The following CACNA1E variants were observed in gnomAD, a reference collection of about 807,000 sequenced individuals.
CACNA1E encodes the protein calcium voltage-gated channel subunit alpha1 E.
A neutral mutation model predicts 259.2 loss-of-function variants in CACNA1E; 40 were observed. The ratio of observed to expected loss-of-function variants is 0.15; its 90% confidence interval spans 0.12 to 0.20. The LOEUF is 0.20. Ranked by LOEUF, CACNA1E falls within the 10% of genes least tolerant of loss-of-function variation. The pLI is 1.00. For missense variants in CACNA1E, 1,874 were observed against 3,040.1 expected (o/e 0.62, Z 9.02); for synonymous variants, 1,104 against 1,138.5 (o/e 0.97, Z 0.61).
intron 3 of CACNA1E, among the ~76,000 whole-genome samples, chr1:181,516,713 C>A (rs758916149): frequency 6.6e-6 from 1 of 152,202 alleles, no homozygotes; most frequent in Non-Finnish European, 1.5e-5. Flanking sequence ...TTATCCCTTT[C>A]CATCTAGGAA....
rs1336813820 is a variant in CACNA1E at position 181,476,849 on chromosome 1, TTGCCTTGGCTGAGCAGCAAGG to T, written c.435-6893_435-6873del. On this transcript the variant is annotated intron_variant, in intron 2 of 11. Coordinates refer to the CACNA1E transcript ENST00000524607. ...CGCTGCTGAGTCCTCCTGCTGCACT[TTGCCTTGGCTGAGCAGCAAGG>T]TTGGGCCCTGAGGGTGGGAAGGGAG... is the stretch of plus-strand genomic sequence containing the variant. Among the ~76,000 whole-genome samples, 6 of 152,188 alleles carry T rather than the reference TTGCCTTGGCTGAGCAGCAAGG, an allele frequency of 3.9e-5. No homozygotes were observed. The East Asian group carries it at 1.2e-3, about 29-fold the overall frequency.
intron 3 of CACNA1E, among the ~76,000 whole-genome samples, chr1:181,514,754 T>G (rs1666435306): frequency 6.6e-6 from 1 of 152,276 alleles, no homozygotes; most frequent in South Asian, 2.1e-4. Context: ...GCTGGCTCAG[T>G]GTAAGACCTG....
At chr1:181,320,877 G>C (rs1399209823) in intron 1 of CACNA1E, among the ~76,000 whole-genome samples, 3 of 152,176 alleles carry the variant, frequency 2.0e-5, no homozygotes, top group Non-Finnish European at 2.9e-5. Flanking sequence ...TGCCATAAAG[G>C]AATACCTGAG....
intron 3 of CACNA1E, among the ~76,000 whole-genome samples, chr1:181,542,850 G>C (rs1371130208): frequency 6.7e-6 from 1 of 150,166 alleles, no homozygotes; most frequent in East Asian, 1.9e-4. Flanking sequence ...TGGAACAGTA[G>C]TCCTGCAAGA....
chr1:181,436,566 G>A (rs986942999), intron 2 of CACNA1E, among the ~76,000 whole-genome samples: 1 of 152,188 alleles, frequency 6.6e-6, no homozygotes. Context: ...GACAACATGG[G>A]TGAACCTGGA....
intron 3 of CACNA1E, among the ~76,000 whole-genome samples, chr1:181,538,512 G>C (rs1324037009): frequency 2.6e-5 from 4 of 152,202 alleles, no homozygotes; most frequent in African/African-American, 9.6e-5. Context: ...AAATGTGCAT[G>C]TATATGTAAA....
chr1:181,785,489 C>T (rs1241696620), intron 42 of CACNA1E, 71 bp downstream of exon 42: 6 of 1,107,286 alleles, frequency 5.4e-6, no homozygotes, highest in Non-Finnish European at 6.8e-6. Context: ...GCCTGTGCCT[C>T]CCTGGGGCAT....
chr1:181,329,502 G>A (rs969537512), intron 1 of CACNA1E, among the ~76,000 whole-genome samples: 68 of 152,186 alleles, frequency 4.5e-4, no homozygotes, highest in African/African-American at 1.5e-3. Flanking sequence ...CCAGCTTCCA[G>A]CTACTCTGGT....
upstream of CACNA1E, among the ~76,000 whole-genome samples, chr1:181,483,011 G>A (rs1041562237): frequency 6.6e-6 from 1 of 152,244 alleles, no homozygotes; most frequent in Non-Finnish European, 1.5e-5. Flanking sequence ...CGCTTGGATC[G>A]ACTTCTTATT....
intron 1 of CACNA1E, among the ~76,000 whole-genome samples, chr1:181,372,952 T>C (rs1408276135): frequency 6.6e-6 from 1 of 152,132 alleles, no homozygotes; most frequent in East Asian, 1.9e-4. Context: ...TTGATTTGCA[T>C]ATGTTGAACC....
At chr1:181,709,846 A>G (rs1653163513) in intron 7 of CACNA1E, among the ~76,000 whole-genome samples, 2 of 152,164 alleles carry the variant, frequency 1.3e-5, no homozygotes, top group Admixed American at 6.5e-5. Flanking sequence ...CCCAGGTAGT[A>G]GGAGAACACC....
In CACNA1E at chr1:181,795,062, G is replaced by T; in HGVS notation, c.6208+18G>T. The T allele has an allele frequency of 6.2e-7, 1 of 1,606,280 alleles. No individual in the cohort carries two copies. The highest frequency in any genetic ancestry group is 1.3e-5 in the African/African-American group (1 of 74,790). ...TGATTCAGGTGAGGAGGTCTTCAGT[G>T]TCCAGCTCTTTCATCAGGCAGTGGG... On this transcript the variant is annotated intron_variant, in intron 46 of 47. Transcript: ENST00000367573.
intron 3 of CACNA1E, among the ~76,000 whole-genome samples, chr1:181,575,174 A>G (rs1319299986): frequency 1.3e-5 from 2 of 152,180 alleles, no homozygotes; most frequent in East Asian, 3.9e-4. Flanking sequence ...CCCAGTTGGT[A>G]GCCCTCCTGC....
intron 7 of CACNA1E, 98 bp downstream of exon 7, chr1:181,651,539 T>C: frequency 1.2e-6 from 1 of 835,994 alleles, no homozygotes; most frequent in Non-Finnish European, 2.0e-6. Context: ...TTAACCTTCA[T>C]TTAGAAGACA....
chr1:181,333,631 C>T (rs184422281), intron 1 of CACNA1E, among the ~76,000 whole-genome samples: 175 of 152,272 alleles, frequency 1.1e-3, no homozygotes, highest in Non-Finnish European at 2.1e-3. Context: ...GCTTTCTAAT[C>T]CATCATTCCT....
intron 6 of CACNA1E, among the ~76,000 whole-genome samples, chr1:181,592,270 CT>C (rs1360696056): frequency 3.9e-5 from 6 of 152,178 alleles, no homozygotes; most frequent in African/African-American, 1.4e-4. Context: ...CCCCAGTCCC[CT>C]AGACATGGCT....
In CACNA1E at chr1:181,717,309, A is replaced by G. The variant is rs368585243; in HGVS notation, c.1525+7A>G. ...TGGCTCACCCACCTCCTCTGTAAGT[A>G]AAGCCTCTCTCTAAAGCCTCCTCTG... On this transcript the variant is annotated splice_region_variant and intron_variant, in intron 11 of 47. Coordinates refer to ENST00000367573, the MANE Select transcript of CACNA1E (RefSeq NM_001205293.3). The G allele has an allele frequency of 7.5e-6, 12 of 1,610,720 alleles. No homozygotes were observed. Among genetic ancestry groups the G allele is most frequent in the Non-Finnish European group, 9.3e-6 (11 of 1,177,738 alleles).
At chr1:181,528,286 A>G (rs1296814339) in intron 3 of CACNA1E, among the ~76,000 whole-genome samples, 2 of 152,094 alleles carry the variant, frequency 1.3e-5, no homozygotes, top group East Asian at 3.9e-4. Flanking sequence ...TCCTGCTGCC[A>G]TGTAAGAAGT....
At chr1:181,571,425 A>G (rs1650399049) in intron 3 of CACNA1E, among the ~76,000 whole-genome samples, 1 of 152,226 alleles carries the variant, frequency 6.6e-6, no homozygotes, top group African/African-American at 2.4e-5. Context: ...CATTCCAGGT[A>G]GGAGAGAGGC....
Sources: gnomAD v4.1 joint callset for allele counts (sites outside exome capture counted in the v4.1 genomes callset) on GRCh38, gnomAD v4.1.1 for gene constraint, MANE v1.5 for transcripts, NCBI Gene and HGNC (gene_info 2026-07-23, HGNC 2026-07-21) for gene names.